CLUL1: variants seen among roughly 807,000 people sequenced by gnomAD.
The protein encoded by CLUL1 is clusterin-like protein 1.
In CLUL1, 43 loss-of-function variants were observed where a neutral mutation model predicts 49.4. The ratio of observed to expected loss-of-function variants is 0.87; its 90% confidence interval spans 0.68 to 1.12. The LOEUF is 1.12. Ranked by LOEUF, CLUL1 falls within the 50% of genes most tolerant of loss-of-function variation. The pLI is 0.00. For synonymous variants in CLUL1, 192 were observed against 184.9 expected (o/e 1.04, Z -0.31); for missense variants, 486 against 544.4 (o/e 0.89, Z 1.07).
At chr18:612,918 T>C (rs187478637) in intron 2 of CLUL1, 1 of 181,044 alleles carries the variant, frequency 5.5e-6, no homozygotes, top group Admixed American at 6.2e-5. Flanking sequence ...CTGGGTAAAA[T>C]GGAAATTTTA....
At chr18:631,435 G>A (rs10502288) in intron 6 of CLUL1, among the ~76,000 whole-genome samples, 52,595 of 151,956 alleles carry the variant, frequency 0.35, 9,537 homozygotes, top group East Asian at 0.47. Flanking sequence ...TAATTTTCGC[G>A]TGGGAGAAAC....
intron 2 of CLUL1, chr18:613,031 T>C: frequency 3.2e-6 from 1 of 311,288 alleles, no homozygotes; most frequent in Non-Finnish European, 5.9e-6. Context: ...AAGTGGAATA[T>C]AATTTTCTCA....
At chr18:614,480 A>G (rs1465395647) in intron 2 of CLUL1, 2 of 152,232 alleles carry the variant, frequency 1.3e-5, no homozygotes, top group East Asian at 3.9e-4. Context: ...TACTTCTCTT[A>G]TGCATATTCT....
Position 606,227 on chromosome 18 carries a change from A to G in CLUL1, c.-135-751A>G, listed in dbSNP as rs140316766. On this transcript the variant is annotated intron_variant, in intron 1 of 9. Transcript: ENST00000692774. The surrounding 1 kb of genome is among the most constrained non-coding windows in gnomAD (Gnocchi z 4.1). ...TCTCTTGGCATGACACTACCACCAC[A>G]GTGCAGACCCACAACAGGGAGAAGG... is the stretch of plus-strand genomic sequence containing the variant. Among the ~76,000 whole-genome samples, 2 of 152,142 alleles carry G rather than the reference A, an allele frequency of 1.3e-5. No homozygotes were observed. Among genetic ancestry groups the G allele is most frequent in the Admixed American group, 6.5e-5 (1 of 15,280 alleles).
chr18:641,615 A>T, intron 8 of CLUL1, 74 bp downstream of exon 8: 1 of 1,271,268 alleles, frequency 7.9e-7, no homozygotes. Context: ...TTTACTTATG[A>T]ATTGTGTCTG....
intron 8 of CLUL1, among the ~76,000 whole-genome samples, chr18:642,247 G>A (rs2074363774): frequency 6.6e-6 from 1 of 152,068 alleles, no homozygotes; most frequent in South Asian, 2.1e-4. Flanking sequence ...CCTGGCTAAT[G>A]TGGCGAAACC....
chr18:610,425 C>T (rs747515503), intron 2 of CLUL1, among the ~76,000 whole-genome samples: 2 of 151,618 alleles, frequency 1.3e-5, no homozygotes, highest in Non-Finnish European at 2.9e-5. Flanking sequence ...GATCTGGTGA[C>T]AGGGAGATAT....
intron 1 of CLUL1, among the ~76,000 whole-genome samples, chr18:599,981 C>T (rs1421745455): frequency 1.3e-5 from 2 of 151,838 alleles, no homozygotes; most frequent in Non-Finnish European, 2.9e-5. Context: ...AATTTAAACC[C>T]GAAGTATGAA....
chr18:598,751 A>G (rs1598405078), intron 1 of CLUL1, among the ~76,000 whole-genome samples: 1 of 152,328 alleles, frequency 6.6e-6, no homozygotes, highest in East Asian at 1.9e-4. Context: ...GCCATGTGTG[A>G]GAATATGAGA....
intron 6 of CLUL1, among the ~76,000 whole-genome samples, chr18:632,999 G>A (rs1419049320): frequency 2.6e-5 from 4 of 151,964 alleles, no homozygotes; most frequent in African/African-American, 4.8e-5. Context: ...TCTACTAAAA[G>A]TACAAAGATT....
In CLUL1 at chr18:606,541, C is replaced by T. The variant is rs1006328991; in HGVS notation, c.-135-437C>T. ...CTGGCTGTCCCCCAACCCACCCCAT[C>T]TTCCTTGTCCTCACCCCTGGTCAGG... On this transcript the variant is annotated intron_variant, in intron 1 of 9. Coordinates refer to ENST00000692774, the MANE Select transcript of CLUL1 (RefSeq NM_001393344.1). This position sits in a 1 kb window ranked among gnomAD's most constrained non-coding sequence, Gnocchi z 4.1. 1.3e-5 allele frequency among the ~76,000 whole-genome samples: 2 copies of T among 152,180 alleles called. No homozygotes were observed. The highest frequency in any genetic ancestry group is 4.8e-5 in the African/African-American group (2 of 41,450).
At position 607,682 on chromosome 18, in the gene CLUL1, C is replaced by T. The variant is rs187147468; in HGVS notation, c.-14+583C>T. The stretch of plus-strand genomic sequence containing the variant: ...GGCTCCAGTGATGCTCCCACATTGG[C>T]GTCCCAAAGTGCTGGGATTATAGGA... On this transcript the variant is annotated intron_variant, in intron 2 of 9. Coordinates refer to ENST00000692774, the MANE Select transcript of CLUL1 (RefSeq NM_001393344.1). 1.1e-3 allele frequency among the ~76,000 whole-genome samples: 168 copies of T among 152,246 alleles called. 1 individual carries two copies. The highest frequency in any genetic ancestry group is 3.8e-3 in the African/African-American group (159 of 41,556).
intron 1 of CLUL1, among the ~76,000 whole-genome samples, chr18:599,947 CA>C (rs369269965): frequency 0.02 from 2,602 of 132,608 alleles, 49 homozygotes; most frequent in African/African-American, 0.052. Context: ...GACTTCATCT[CA>C]AAAAAAAAAA....
chr18:645,213 G>A, intron 9 of CLUL1, 116 bp downstream of exon 9: 3 of 728,272 alleles, frequency 4.1e-6, no homozygotes, highest in Non-Finnish European at 4.1e-6. Flanking sequence ...CATTAATAAA[G>A]ACATGAAAAC....
chr18:622,811 A>C (rs1005924662), intron 4 of CLUL1, among the ~76,000 whole-genome samples: 1 of 152,224 alleles, frequency 6.6e-6, no homozygotes, highest in Non-Finnish European at 1.5e-5. Flanking sequence ...CATTTAATGC[A>C]AAGACCTTGA....
intron 5 of CLUL1, among the ~76,000 whole-genome samples, chr18:625,774 A>G (rs1282558961): frequency 6.6e-6 from 1 of 152,204 alleles, no homozygotes; most frequent in Admixed American, 6.5e-5. Context: ...CACGCTCCAT[A>G]TTAGAGCACA....
chr18:614,541 G>A (rs1376990280), intron 2 of CLUL1: 1 of 152,216 alleles, frequency 6.6e-6, no homozygotes, highest in African/African-American at 2.4e-5. Flanking sequence ...TCTTGTGACT[G>A]TGGAAGGACT....
chr18:618,231 C>A lies in CLUL1; in HGVS notation c.106+125C>A, dbSNP rs1234167025. The A allele has an allele frequency of 1.7e-5, 12 of 696,764 alleles. No homozygotes were observed. Among genetic ancestry groups the A allele is most frequent in the Non-Finnish European group, 2.4e-5 (10 of 412,126 alleles). The allele number at this position is 696,764 out of a possible 1,614,324, so 43.2% of individuals were successfully genotyped here. A position where few individuals can be genotyped will look rare whatever the true frequency, so the allele number is the denominator to read the frequency against. ...TTTTCACGGTGAAACGTTCTCAAGGCGCTTAAACCAGGTCATCCTGACGCC... is the reference window on the plus strand; with the variant it reads ...TTTTCACGGTGAAACGTTCTCAAGGAGCTTAAACCAGGTCATCCTGACGCC... On this transcript the variant is annotated intron_variant, in intron 3 of 9. Coordinates refer to ENST00000692774, the MANE Select transcript of CLUL1 (RefSeq NM_001393344.1). This position sits in a 1 kb window ranked among gnomAD's most constrained non-coding sequence, Gnocchi z 4.2.
chr18:619,427 T>G, intron 4 of CLUL1, 66 bp downstream of exon 4: 1 of 1,342,198 alleles, frequency 7.5e-7, no homozygotes, highest in South Asian at 1.7e-5. Flanking sequence ...CACTTGTTAG[T>G]GCGATTGATG....
Sources: allele counts gnomAD v4.1 joint callset (sites outside exome capture counted in the v4.1 genomes callset), GRCh38; gene constraint gnomAD v4.1.1; non-coding constraint Gnocchi (gnomAD v3.1); transcripts MANE v1.5; gene names NCBI Gene and HGNC (gene_info 2026-07-23, HGNC 2026-07-21).